The following RAD51B variants were observed in gnomAD, a reference collection of about 807,000 sequenced individuals.
RAD51B encodes the protein RAD51 paralog B.
Under a neutral mutation model 42.2 loss-of-function variants are expected in RAD51B, and 38 were observed. That is an observed-to-expected ratio of 0.90 (90% CI 0.70 to 1.18). The LOEUF is 1.18. RAD51B is among the 50% of genes most tolerant of loss of function. The pLI, the probability that RAD51B is intolerant of heterozygous loss-of-function variation, is 0.00. For missense variants in RAD51B, 373 were observed against 400.7 expected, an observed-to-expected ratio of 0.93 and a Z score of 0.59; for synonymous variants, 154 against 145.2, an observed-to-expected ratio of 1.06 and a Z score of -0.43.
At chr14:67,995,551 A>G (rs1475065725) in intron 7 of RAD51B, among the ~76,000 whole-genome samples, 2 of 151,738 alleles carry the variant, frequency 1.3e-5, no homozygotes, top group Non-Finnish European at 2.9e-5. Context: ...ATGTCAACCC[A>G]TACTGCTTTT....
intron 7 of RAD51B, among the ~76,000 whole-genome samples, chr14:68,049,109 C>CA (rs1431413858): frequency 1.3e-5 from 2 of 149,158 alleles, no homozygotes; most frequent in African/African-American, 2.5e-5. Context: ...ACCGCAAGGA[C>CA]AAAAAACCAA....
chr14:68,095,341 T>C (rs555133819), intron 7 of RAD51B, among the ~76,000 whole-genome samples: 56 of 152,288 alleles, frequency 3.7e-4, no homozygotes, highest in African/African-American at 1.3e-3. Flanking sequence ...CAACTTATTT[T>C]CAACCCACCA....
At chr14:67,969,863 G>A (rs948028026) in intron 7 of RAD51B, among the ~76,000 whole-genome samples, 4 of 152,160 alleles carry the variant, frequency 2.6e-5, no homozygotes, top group Non-Finnish European at 4.4e-5. Context: ...TAGACCACTA[G>A]TATTTGAATT....
chr14:68,056,921 C>G (rs760442603), intron 7 of RAD51B, among the ~76,000 whole-genome samples: 2 of 151,818 alleles, frequency 1.3e-5, no homozygotes, highest in Non-Finnish European at 2.9e-5. Flanking sequence ...AACCCTGTCT[C>G]TACTAAAATT....
intron 4 of RAD51B, among the ~76,000 whole-genome samples, chr14:67,858,363 C>T (rs2042062594): frequency 1.3e-5 from 2 of 152,176 alleles, no homozygotes; most frequent in South Asian, 4.1e-4. Flanking sequence ...AGAGAGGGGA[C>T]AGGAAGGGCA....
At chr14:68,208,077 A>G (rs2079629897) in intron 7 of RAD51B, among the ~76,000 whole-genome samples, 1 of 151,898 alleles carries the variant, frequency 6.6e-6, no homozygotes, top group African/African-American at 2.4e-5. Flanking sequence ...TTTTTCTTTA[A>G]AAGTTCAGCT....
At chr14:68,299,275 C>T (rs1436945121) in intron 8 of RAD51B, among the ~76,000 whole-genome samples, 1 of 152,036 alleles carries the variant, frequency 6.6e-6, no homozygotes, top group African/African-American at 2.4e-5. Context: ...CTCACAACCA[C>T]CCTCTGAGGA....
chr14:68,605,595 G>A (rs766750265), intron 10 of RAD51B, among the ~76,000 whole-genome samples: 19 of 152,170 alleles, frequency 1.2e-4, no homozygotes, highest in East Asian at 1.9e-4. Context: ...GTGCTTGGGC[G>A]TGCACCTCCA....
intron 7 of RAD51B, among the ~76,000 whole-genome samples, chr14:68,190,823 A>T (rs2079250592): frequency 6.6e-6 from 1 of 152,206 alleles, no homozygotes; most frequent in Non-Finnish European, 1.5e-5. Context: ...ATCATGATCT[A>T]TATTCTCTCT....
chr14:68,403,482 C>T (rs1425859719), intron 8 of RAD51B, among the ~76,000 whole-genome samples: 2 of 152,200 alleles, frequency 1.3e-5, no homozygotes, highest in African/African-American at 4.8e-5. Flanking sequence ...TCATTAAGAG[C>T]TTTCCAACAG....
intron 10 of RAD51B, among the ~76,000 whole-genome samples, chr14:68,644,085 CCTT>C (rs1892518266): frequency 6.6e-6 from 1 of 152,212 alleles, no homozygotes; most frequent in Admixed American, 6.5e-5. Flanking sequence ...CCCTCTCCTC[CCTT>C]CTTCTTCCAG....
At chr14:68,421,838 A>G in intron 9 of RAD51B, 1 of 1,595,256 alleles carries the variant, frequency 6.3e-7, no homozygotes, top group Middle Eastern at 1.7e-4. Context: ...CCAACCACTC[A>G]GTCTTGGCAG....
At chr14:68,583,957 C>T (rs770076864) in intron 10 of RAD51B, among the ~76,000 whole-genome samples, 6 of 152,162 alleles carry the variant, frequency 3.9e-5, no homozygotes, top group African/African-American at 7.2e-5. Context: ...GCCACAGCAC[C>T]GGCCACTCCA....
chr14:67,901,338 T>A (rs10148527), intron 7 of RAD51B, among the ~76,000 whole-genome samples: 6 of 151,998 alleles, frequency 3.9e-5, no homozygotes, highest in African/African-American at 1.5e-4. Context: ...ATTGCGCCTG[T>A]GCCTAAGTTG....
At chr14:67,981,321 G>C (rs1254553606) in intron 7 of RAD51B, among the ~76,000 whole-genome samples, 1 of 152,172 alleles carries the variant, frequency 6.6e-6, no homozygotes, top group Non-Finnish European at 1.5e-5. Flanking sequence ...ATGAAATGTT[G>C]GTGAATATGT....
At chr14:68,494,348 C>T (rs1446149360) in intron 10 of RAD51B, among the ~76,000 whole-genome samples, 1 of 151,404 alleles carries the variant, frequency 6.6e-6, no homozygotes, top group Admixed American at 6.6e-5. Flanking sequence ...GGGGGTAGTT[C>T]TTCGGTTTTG....
At chr14:68,677,871 C>T (rs1179014865) in intron 11 of RAD51B, among the ~76,000 whole-genome samples, 3 of 152,122 alleles carry the variant, frequency 2.0e-5, no homozygotes, top group African/African-American at 7.2e-5. Flanking sequence ...CATCCGAGTA[C>T]ACAGAGGTCT....
In RAD51B at chr14:68,261,514, A is replaced by T. The variant is rs17105277; in HGVS notation, c.757-30370A>T. On this transcript the variant is annotated intron_variant, in intron 7 of 10. Transcript: ENST00000471583. ...CACTCTCTCTTTCTTGTATATAATT[A>T]AAAATACTGCAGAATTGTATTTTGC... is the stretch of plus-strand genomic sequence containing the variant. 8.0e-3 allele frequency among the ~76,000 whole-genome samples: 1,212 copies of T among 152,336 alleles called. 13 individuals are homozygous for T. Among genetic ancestry groups the T allele is most frequent in the African/African-American group, 0.028 (1,173 of 41,568 alleles).
chr14:68,339,028 C>T, intron 8 of RAD51B: 4 of 660,650 alleles, frequency 6.1e-6, no homozygotes, highest in Non-Finnish European at 1.1e-5. Flanking sequence ...AGGCAGAAGA[C>T]AGCCAGCTCG....
Sources: gnomAD v4.1 joint callset for allele counts (sites outside exome capture counted in the v4.1 genomes callset) on GRCh38, gnomAD v4.1.1 for gene constraint, MANE v1.5 for transcripts, NCBI Gene and HGNC (gene_info 2026-07-23, HGNC 2026-07-21) for gene names.